GNG7: variants seen among roughly 807,000 people sequenced by gnomAD.
GNG7 encodes G protein subunit gamma 7, also known as guanine nucleotide-binding protein G(I)/G(S)/G(O) subunit gamma-7.
A neutral mutation model predicts 4.0 loss-of-function variants in GNG7; 1 was observed. The ratio of observed to expected loss-of-function variants is 0.25; its 90% confidence interval spans 0.09 to 1.18. The LOEUF is 1.18. Among genes scored for constraint, GNG7 ranks in the 50% most tolerant of loss-of-function variants. The probability of loss-of-function intolerance (pLI) is 0.50; values close to 1 mark genes in which losing one functional copy is unlikely to be tolerated. For synonymous variants in GNG7, 34 were observed against 36.9 expected (o/e 0.92, Z 0.29); for missense variants, 86 against 91.9 (o/e 0.94, Z 0.26).
At chr19:2,563,840 T>C (rs1383365221) in intron 2 of GNG7, among the ~76,000 whole-genome samples, 2 of 152,172 alleles carry the variant, frequency 1.3e-5, no homozygotes, top group African/African-American at 2.4e-5. Flanking sequence ...TTTAGCCTAA[T>C]TGTGAACTGT....
intron 2 of GNG7, among the ~76,000 whole-genome samples, chr19:2,564,890 A>T (rs891639595): frequency 2.4e-4 from 7 of 29,512 alleles, no homozygotes; most frequent in African/African-American, 1.7e-3. Context: ...TGGTCATTTA[A>T]AAAAAAAAAA....
intron 3 of GNG7, among the ~76,000 whole-genome samples, chr19:2,554,158 TATATATA>T (rs915383968): frequency 1.2e-4 from 18 of 146,304 alleles, no homozygotes; most frequent in Admixed American, 4.2e-4. Context: ...TATAATATAT[TATATATA>T]ATATATAATA....
chr19:2,588,538 G>T (rs990534170), intron 2 of GNG7, among the ~76,000 whole-genome samples: 1 of 152,224 alleles, frequency 6.6e-6, no homozygotes, highest in Non-Finnish European at 1.5e-5. Flanking sequence ...GGAGCCCAGG[G>T]CGGCGGCAGC....
intron 1 of GNG7, among the ~76,000 whole-genome samples, chr19:2,672,434 G>T (rs116504916): frequency 4.0e-5 from 6 of 149,920 alleles, no homozygotes; most frequent in Non-Finnish European, 4.4e-5. Flanking sequence ...GGAATTACAG[G>T]TGTGACGCCC....
chr19:2,697,718 G>A (rs913397583), intron 1 of GNG7, among the ~76,000 whole-genome samples: 18 of 152,164 alleles, frequency 1.2e-4, no homozygotes, highest in African/African-American at 3.6e-4. Flanking sequence ...ACTTTGGGAG[G>A]CTGAGGTGGG....
At chr19:2,671,395 C>A (rs541103724) in intron 1 of GNG7, among the ~76,000 whole-genome samples, 12 of 152,238 alleles carry the variant, frequency 7.9e-5, no homozygotes, top group African/African-American at 2.9e-4. Context: ...CCAAAAGGAC[C>A]AACCCTCCAA....
chr19:2,515,510 C>G (rs10424600), intron 4 of GNG7, among the ~76,000 whole-genome samples: 58,161 of 151,594 alleles, frequency 0.38, 11,193 homozygotes, highest in South Asian at 0.43. Flanking sequence ...TCACTGCAAC[C>G]TCCACCTCGC....
chr19:2,575,834 GGCAGGCACACGCAGACAC>G (rs1432841927), intron 2 of GNG7, among the ~76,000 whole-genome samples: 3 of 79,018 alleles, frequency 3.8e-5, no homozygotes, highest in South Asian at 4.4e-4. Context: ...CACGCAGACA[GGCAGGCACACGCAGACAC>G]GCAGGCACAC....
chr19:2,680,963 T>G (rs1225010218), intron 1 of GNG7, among the ~76,000 whole-genome samples: 7 of 151,694 alleles, frequency 4.6e-5, no homozygotes, highest in African/African-American at 1.7e-4. Context: ...GTTGTTCTGG[T>G]TTTTTAATTC....
rs1972685870 is a variant in GNG7, at chr19:2,513,590, C to T, written c.*1432G>A. On this transcript the variant is annotated 3_prime_UTR_variant, in exon 5 of 5. Coordinates refer to ENST00000382159, the MANE Select transcript of GNG7 (RefSeq NM_052847.3). ...GGCCCATCCTGCGTCTAAGGCATCTCCCGGCCTCAGACAGCCGTCCTGGGT... is the reference window on the plus strand; with the variant it reads ...GGCCCATCCTGCGTCTAAGGCATCTTCCGGCCTCAGACAGCCGTCCTGGGT... The T allele has an allele frequency of 1.0e-6, 1 of 985,452 alleles. No homozygotes were observed. The highest frequency in any genetic ancestry group is 1.2e-6 in the Non-Finnish European group (1 of 829,932). The allele number at this position is 985,452 out of a possible 1,614,324, so 61.0% of individuals were successfully genotyped here.
chr19:2,568,174 C>CAT (rs544370342), intron 2 of GNG7, among the ~76,000 whole-genome samples: 26 of 151,294 alleles, frequency 1.7e-4, no homozygotes, highest in African/African-American at 6.4e-4. Flanking sequence ...CATACACACA[C>CAT]ATACACACAT....
intron 3 of GNG7, among the ~76,000 whole-genome samples, chr19:2,540,085 TC>T (rs1978908914): frequency 7.8e-6 from 1 of 128,248 alleles, no homozygotes; most frequent in Non-Finnish European, 1.6e-5. Flanking sequence ...TCTCTCTCTC[TC>T]TCTGTTTCTT....
At chr19:2,604,512 CGAGGGAGG>C (rs796272619) in intron 2 of GNG7, among the ~76,000 whole-genome samples, 6 of 49,310 alleles carry the variant, frequency 1.2e-4, no homozygotes, top group Non-Finnish European at 2.3e-4. Flanking sequence ...AGGAAGGAAG[CGAGGGAGG>C]GAGGGAGGGA....
At chr19:2,572,463 C>T (rs986385413) in intron 2 of GNG7, among the ~76,000 whole-genome samples, 13 of 151,442 alleles carry the variant, frequency 8.6e-5, no homozygotes, top group Non-Finnish European at 1.8e-4. Flanking sequence ...GACGGAGTCT[C>T]GCTCTGTCGC....
intron 3 of GNG7, among the ~76,000 whole-genome samples, chr19:2,531,212 G>C (rs1978570983): frequency 6.8e-6 from 1 of 147,664 alleles, no homozygotes; most frequent in Non-Finnish European, 1.5e-5. Context: ...GCTGAGATGA[G>C]AGAATCCCTT....
chr19:2,657,408 T>C lies in GNG7; in HGVS notation c.-134-11128A>G, dbSNP rs111635243. Among the ~76,000 whole-genome samples, 155 of 67,070 alleles carry C rather than the reference T, an allele frequency of 2.3e-3. 7 individuals are homozygous for C. The highest frequency in any genetic ancestry group is 0.011 in the African/African-American group (155 of 13,732). The allele number at this position is 67,070 out of a possible 152,430, so 44.0% of individuals were successfully genotyped here. A position where few individuals can be genotyped will look rare whatever the true frequency, so the allele number is the denominator to read the frequency against. ...TATATATATATATATATACACATAATAACATTTATCCTAAAAAGAGAAACA... is the reference window on the plus strand; with the variant it reads ...TATATATATATATATATACACATAACAACATTTATCCTAAAAAGAGAAACA... On this transcript the variant is annotated intron_variant, in intron 1 of 4. Transcript: ENST00000382159.
intron 4 of GNG7, among the ~76,000 whole-genome samples, chr19:2,515,433 CTT>C (rs57325291): frequency 7.0e-4 from 104 of 147,762 alleles, no homozygotes; most frequent in South Asian, 3.4e-3. Context: ...CCATTTCTTT[CTT>C]TTTTTTTTTT....
At chr19:2,553,846 T>C (rs967010035) in intron 3 of GNG7, among the ~76,000 whole-genome samples, 7 of 144,128 alleles carry the variant, frequency 4.9e-5, no homozygotes, top group Admixed American at 2.1e-4. Context: ...TAATATTGCA[T>C]ACATGTACAT....
intron 2 of GNG7, among the ~76,000 whole-genome samples, chr19:2,612,938 C>T (rs144786248): frequency 1.3e-5 from 2 of 151,872 alleles, no homozygotes; most frequent in Admixed American, 6.6e-5. Context: ...GTGATCCGTC[C>T]GCCTCGGCCT....
Sources: allele counts gnomAD v4.1 joint callset (sites outside exome capture counted in the v4.1 genomes callset), GRCh38; gene constraint gnomAD v4.1.1; transcripts MANE v1.5; gene names NCBI Gene and HGNC (gene_info 2026-07-23, HGNC 2026-07-21).